Variants in TFEC observed in about 807,000 individuals in gnomAD.
TFEC encodes the protein class E basic helix-loop-helix protein 34.
In TFEC, 31 loss-of-function variants were observed where a neutral mutation model predicts 41.6. The observed-to-expected ratio is 0.74, with a 90% CI of 0.56 to 1.01. TFEC has a LOEUF of 1.01. Among genes scored for constraint, TFEC ranks in the 50% least tolerant of loss-of-function variants. TFEC has a pLI of 0.00. For missense variants in TFEC, 402 were observed against 404.1 expected, an observed-to-expected ratio of 0.99 and a Z score of 0.04; for synonymous variants, 143 against 140.6, an observed-to-expected ratio of 1.02 and a Z score of -0.12.
chr7:116,053,003 C>T (rs1454111264), intron 3 of TFEC, among the ~76,000 whole-genome samples: 7 of 151,724 alleles, frequency 4.6e-5, no homozygotes, highest in Admixed American at 1.3e-4. Context: ...ACCTGGGAGG[C>T]GGAGCTTGCA....
At chr7:116,011,849 C>T (rs1351797570) in intron 1 of TFEC, among the ~76,000 whole-genome samples, 1 of 152,022 alleles carries the variant, frequency 6.6e-6, no homozygotes, top group Non-Finnish European at 1.5e-5. Context: ...CTTGGAAATT[C>T]CTCCTCTCTC....
rs920131806 is a variant in TFEC at position 115,938,334 on chromosome 7, C to T, written c.*2217G>A. Reference sequence around the variant, plus strand: ...ATGAACTCCAAAATATATTCCTTATCTATAATTTTTAACATTTAATCAAAT... The same window carrying T: ...ATGAACTCCAAAATATATTCCTTATTTATAATTTTTAACATTTAATCAAAT... On this transcript the variant is annotated 3_prime_UTR_variant, in exon 8 of 8. Transcript: ENST00000265440. 6.6e-6 allele frequency: 1 copy of T among 151,882 alleles called. No individual in the cohort carries two copies. Among genetic ancestry groups the T allele is most frequent in the South Asian group, 2.1e-4 (1 of 4,834 alleles). 9.4% of individuals were successfully genotyped at this position (151,882 alleles called of 1,614,324 possible).
chr7:115,989,573 A>G (rs1199702418), intron 1 of TFEC, among the ~76,000 whole-genome samples: 1 of 152,164 alleles, frequency 6.6e-6, no homozygotes, highest in East Asian at 1.9e-4. Context: ...AGAGGAGATT[A>G]TATCCCATGC....
At chr7:115,951,114 G>T (rs1366886178) in intron 5 of TFEC, among the ~76,000 whole-genome samples, 165 bp from the exon 6 acceptor site, 1 of 151,936 alleles carries the variant, frequency 6.6e-6, no homozygotes, top group East Asian at 1.9e-4. Context: ...CATTCTAAAA[G>T]TAAAGGTTTC....
chr7:116,121,469 C>G (rs1450164773), intron 1 of TFEC: 7 of 151,858 alleles, frequency 4.6e-5, no homozygotes, highest in South Asian at 2.1e-4. Flanking sequence ...CGAAAATATT[C>G]TGCAATTAGA....
intron 3 of TFEC, among the ~76,000 whole-genome samples, 156 bp downstream of exon 3, chr7:115,974,014 T>C (rs1249573229): frequency 6.6e-6 from 1 of 151,948 alleles, no homozygotes; most frequent in African/African-American, 2.4e-5. Flanking sequence ...TTAGATAACC[T>C]TTTTTTCTGC....
intron 6 of TFEC, among the ~76,000 whole-genome samples, chr7:115,948,075 C>G (rs182042926): frequency 1.3e-5 from 2 of 152,230 alleles, no homozygotes; most frequent in East Asian, 1.9e-4. Flanking sequence ...AACACCTCTA[C>G]TCAAATAAAC....
chr7:116,063,184 T>G lies in TFEC; in HGVS notation c.198+47524A>C, dbSNP rs149837690. Among the ~76,000 whole-genome samples the G allele has an allele frequency of 4.0e-3, 616 of 152,242 alleles. 5 individuals are homozygous for G. Among genetic ancestry groups the G allele is most frequent in the African/African-American group, 0.014 (582 of 41,540 alleles). Reference sequence around the variant, plus strand: ...AGAAAAGCCAGACCAGATAATAATATGTACTATATATTCTATTTATATAAA... The same window carrying G: ...AGAAAAGCCAGACCAGATAATAATAGGTACTATATATTCTATTTATATAAA... On this transcript the variant is annotated intron_variant, in intron 3 of 8. Coordinates refer to the TFEC transcript ENST00000484212.
At position 116,090,630 on chromosome 7, in the gene TFEC, T is replaced by A. The variant is rs149591378; in HGVS notation, c.198+20078A>T. On this transcript the variant is annotated intron_variant, in intron 3 of 8. Transcript: ENST00000484212. Reference sequence around the variant, plus strand: ...TCACTTAGGTGAAAGTAGAAAATACTAGAATGGTTACCACTTCTTTTTTTC... The same window carrying A: ...TCACTTAGGTGAAAGTAGAAAATACAAGAATGGTTACCACTTCTTTTTTTC... Among the ~76,000 whole-genome samples the A allele has an allele frequency of 3.0e-3, 455 of 152,240 alleles. 3 individuals are homozygous for A. The highest frequency in any genetic ancestry group is 0.011 in the African/African-American group (437 of 41,544).
intron 3 of TFEC, among the ~76,000 whole-genome samples, chr7:116,048,212 C>A (rs1796218387): frequency 6.6e-6 from 1 of 152,158 alleles, no homozygotes; most frequent in Non-Finnish European, 1.5e-5. Flanking sequence ...GAACCCACCA[C>A]AAAGAAGCTA....
intron 1 of TFEC, among the ~76,000 whole-genome samples, chr7:116,011,433 T>C (rs1013286423): frequency 1.3e-5 from 2 of 152,106 alleles, no homozygotes; most frequent in African/African-American, 2.4e-5. Flanking sequence ...GTATATAAAA[T>C]TGTTTATTCT....
chr7:116,094,937 A>T (rs918961862), intron 3 of TFEC, among the ~76,000 whole-genome samples: 1 of 152,194 alleles, frequency 6.6e-6, no homozygotes, highest in African/African-American at 2.4e-5. Flanking sequence ...TTAAACTTAC[A>T]ATCACTGATT....
rs139775926 is a variant in TFEC, at chr7:115,943,317, T to C, written c.516-1277A>G. On this transcript the variant is annotated intron_variant, in intron 6 of 7. Coordinates refer to ENST00000265440, the MANE Select transcript of TFEC (RefSeq NM_012252.4). ...AAACCAAGTATCTGTAACTGAAACA[T>C]GTAATGGACTCTAAACTAAAATTTA... 4.4e-3 allele frequency among the ~76,000 whole-genome samples: 672 copies of C among 151,962 alleles called. 8 individuals are homozygous for C. Among genetic ancestry groups the C allele is most frequent in the African/African-American group, 0.015 (632 of 41,486 alleles).
At chr7:116,120,703 A>G (rs1798092012) in intron 1 of TFEC, among the ~76,000 whole-genome samples, 1 of 151,982 alleles carries the variant, frequency 6.6e-6, no homozygotes, top group South Asian at 2.1e-4. Context: ...CAGTTCCTAA[A>G]TAGTGCTTAA....
intron 1 of TFEC, among the ~76,000 whole-genome samples, chr7:116,135,071 A>G (rs1176356381): frequency 2.0e-5 from 3 of 152,122 alleles, no homozygotes; most frequent in Non-Finnish European, 4.4e-5. Context: ...AAGTCATACT[A>G]TCCCTCCTTT....
intron 3 of TFEC, among the ~76,000 whole-genome samples, chr7:116,036,069 T>C (rs1227809285): frequency 6.6e-6 from 1 of 151,886 alleles, no homozygotes; most frequent in Non-Finnish European, 1.5e-5. Context: ...TATTTTTCCA[T>C]ATGTTAAAAA....
At chr7:115,968,024 G>A (rs1792950541) in intron 3 of TFEC, among the ~76,000 whole-genome samples, 1 of 151,678 alleles carries the variant, frequency 6.6e-6, no homozygotes, top group African/African-American at 2.4e-5. Context: ...AATCTTGTAA[G>A]TAAGCATGCT....
intron 7 of TFEC, 50 bp downstream of exon 7, chr7:115,941,843 G>A (rs368092173): frequency 4.7e-5 from 74 of 1,565,462 alleles, no homozygotes; most frequent in Non-Finnish European, 6.2e-5. Context: ...ACTGATGACA[G>A]CTGAGTCATG....
Position 116,140,043 on chromosome 7 carries a change from G to A in TFEC, c.-69+19747C>T, listed in dbSNP as rs542774369. Among the ~76,000 whole-genome samples, 4 of 152,308 alleles carry A rather than the reference G, an allele frequency of 2.6e-5. No individual in the cohort carries two copies. In the South Asian group the frequency reaches 8.3e-4, roughly 32 times the overall value. On this transcript the variant is annotated intron_variant, in intron 1 of 8. Transcript: ENST00000484212. ...ATGATGCAATGGAAGGAATGTTCTA[G>A]AAATATCATCATAGCAGGTTAAGCA...
Sources: allele counts gnomAD v4.1 joint callset (sites outside exome capture counted in the v4.1 genomes callset), GRCh38; gene constraint gnomAD v4.1.1; transcripts MANE v1.5; gene names NCBI Gene and HGNC (gene_info 2026-07-23, HGNC 2026-07-21).